The following ASRGL1 variants were observed in gnomAD, a reference collection of about 807,000 sequenced individuals.
The protein encoded by ASRGL1 is isoaspartyl peptidase/L-asparaginase.
Under a neutral mutation model 22.4 loss-of-function variants are expected in ASRGL1, and 16 were observed. That is an observed-to-expected ratio of 0.71 (90% CI 0.48 to 1.08). ASRGL1 has a LOEUF of 1.08. Among genes scored for constraint, ASRGL1 ranks in the 50% least tolerant of loss-of-function variants. The pLI is 0.00. For missense variants in ASRGL1, 412 were observed against 410.1 expected (o/e 1.00, Z -0.04); for synonymous variants, 165 against 159.3 (o/e 1.04, Z -0.27).
intron 4 of ASRGL1, among the ~76,000 whole-genome samples, chr11:62,363,406 T>G (rs1392341536): frequency 1.3e-5 from 2 of 152,152 alleles, no homozygotes; most frequent in Non-Finnish European, 1.5e-5. Flanking sequence ...CTATAGAAAC[T>G]ATTTTTCAGT....
intron 4 of ASRGL1, chr11:62,371,284 AG>A: frequency 1.4e-6 from 2 of 1,380,972 alleles, no homozygotes; most frequent in Non-Finnish European, 9.5e-7. Flanking sequence ...TGGCAGCAGC[AG>A]CAGCGGCGAC....
At chr11:62,350,496 G>A (rs774007977) in intron 2 of ASRGL1, among the ~76,000 whole-genome samples, 10 of 152,066 alleles carry the variant, frequency 6.6e-5, no homozygotes, top group Non-Finnish European at 1.5e-4. Flanking sequence ...CATATAGTTT[G>A]GTCAAATTTT....
rs1457195570 is a variant in ASRGL1, at chr11:62,392,296, A to C, written c.*12A>C. On this transcript the variant is annotated 3_prime_UTR_variant, in exon 7 of 7. Transcript: ENST00000415229. Reference sequence around the variant, plus strand: ...CCGACCTTCCCTAAGCCGCTGGAAGATTGTATTCCAGATGCTAGCTTAGAG... The same window carrying C: ...CCGACCTTCCCTAAGCCGCTGGAAGCTTGTATTCCAGATGCTAGCTTAGAG... 1 of 1,612,578 alleles carries C rather than the reference A, an allele frequency of 6.2e-7. No individual in the cohort carries two copies. The highest frequency in any genetic ancestry group is 8.5e-7 in the Non-Finnish European group (1 of 1,179,670).
At chr11:62,361,904 T>C (rs1323253102) in intron 4 of ASRGL1, among the ~76,000 whole-genome samples, 2 of 152,210 alleles carry the variant, frequency 1.3e-5, no homozygotes, top group African/African-American at 4.8e-5. Flanking sequence ...CCATGTTTCA[T>C]TGGCTTTATA....
At chr11:62,397,828 C>G (rs1278350764), downstream of ASRGL1, among the ~76,000 whole-genome samples, 1 of 152,166 alleles carries the variant, frequency 6.6e-6, no homozygotes, top group Non-Finnish European at 1.5e-5. Context: ...TAACACTCTC[C>G]ACCATTGCTT....
intron 4 of ASRGL1, chr11:62,371,550 C>T (rs1011752324): frequency 5.7e-6 from 4 of 704,390 alleles, no homozygotes; most frequent in African/African-American, 3.5e-5. Flanking sequence ...ATCTCAAGTA[C>T]CCAGGGACAC....
intron 4 of ASRGL1, among the ~76,000 whole-genome samples, chr11:62,357,623 G>C (rs530227630): frequency 6.3e-4 from 96 of 151,850 alleles, no homozygotes; most frequent in African/African-American, 2.3e-3. Flanking sequence ...GATTCTTCTT[G>C]ATCAGTTTAT....
intron 2 of ASRGL1, among the ~76,000 whole-genome samples, chr11:62,355,130 C>T (rs1946250241): frequency 6.6e-6 from 1 of 152,008 alleles, no homozygotes. Flanking sequence ...GTTGGCCAAG[C>T]TGGTCTCAAA....
At chr11:62,372,961 G>T in intron 4 of ASRGL1, 1 of 1,482,286 alleles carries the variant, frequency 6.7e-7, no homozygotes, top group Non-Finnish European at 9.4e-7. Context: ...AGCACCATCA[G>T]CTGGGGCCCA....
At chr11:62,386,396 A>G (rs1365755456) in intron 4 of ASRGL1, among the ~76,000 whole-genome samples, 4 of 151,792 alleles carry the variant, frequency 2.6e-5, no homozygotes, top group East Asian at 1.9e-4. Flanking sequence ...GTATTATTTT[A>G]TTATTGTTAA....
At chr11:62,362,584 AATATATAATATATATTATATAAAAT>A in intron 4 of ASRGL1, among the ~76,000 whole-genome samples, 1 of 26,576 alleles carries the variant, frequency 3.8e-5, no homozygotes, top group East Asian at 1.2e-3. Context: ...TATTATATAA[AATATATAATATATATTATATAAAAT>A]ATATATTATA....
chr11:62,389,394 A>T, intron 5 of ASRGL1, 143 bp downstream of exon 5: 2 of 848,674 alleles, frequency 2.4e-6, no homozygotes, highest in Non-Finnish European at 3.9e-6. Context: ...GGGAGTGACA[A>T]TGGGGTTGGA....
intron 4 of ASRGL1, among the ~76,000 whole-genome samples, chr11:62,369,214 C>A (rs893234155): frequency 6.6e-6 from 1 of 152,168 alleles, no homozygotes; most frequent in African/African-American, 2.4e-5. Flanking sequence ...TGACTTTTAA[C>A]AAGCATACTG....
In ASRGL1 at chr11:62,362,568, AAT is replaced by A. The variant is rs1224394281; in HGVS notation, c.491+5431_491+5432del. 4.3e-4 allele frequency among the ~76,000 whole-genome samples: 17 copies of A among 39,870 alleles called. 2 individuals carry two copies. The highest frequency in any genetic ancestry group is 1.4e-3 in the African/African-American group (16 of 11,274). The allele number at this position is 39,870 out of a possible 152,430, so 26.2% of individuals were successfully genotyped here. ...AATATATAACATATATTATTTATAT[AAT>A]ATATATTATATAAAATATATAATAT... On this transcript the variant is annotated intron_variant, in intron 4 of 6. Transcript: ENST00000415229.
At chr11:62,371,330 G>A (rs1361587605) in intron 4 of ASRGL1, 10 of 1,255,404 alleles carry the variant, frequency 8.0e-6, no homozygotes, top group Non-Finnish European at 1.1e-5. Flanking sequence ...GCCCCCGGCA[G>A]GGGCAAGCGC....
chr11:62,354,455 A>G (rs1946232355), intron 2 of ASRGL1, among the ~76,000 whole-genome samples: 1 of 152,226 alleles, frequency 6.6e-6, no homozygotes, highest in South Asian at 2.1e-4. Context: ...TAAGAAATTA[A>G]TAACAATAAC....
At chr11:62,372,794 C>T (rs745957932) in intron 4 of ASRGL1, 17 of 1,582,576 alleles carry the variant, frequency 1.1e-5, no homozygotes, top group Admixed American at 6.7e-5. Flanking sequence ...ACACCTGCTC[C>T]TTTGCCGTCA....
intron 4 of ASRGL1, among the ~76,000 whole-genome samples, chr11:62,360,177 G>T (rs1301863823): frequency 6.6e-5 from 10 of 151,490 alleles, no homozygotes; most frequent in African/African-American, 2.4e-4. Context: ...ACAGGTGTGC[G>T]CCACCACGCC....
Position 62,338,166 on chromosome 11 carries a change from AG to A in ASRGL1, c.190+1del, listed in dbSNP as rs1447593167. 1 of 1,559,784 alleles carries A rather than the reference AG, an allele frequency of 6.4e-7. No homozygotes were observed. Among genetic ancestry groups the A allele is most frequent in the Non-Finnish European group, 8.7e-7 (1 of 1,155,394 alleles). ...TGGAAGACGATCCCGAGTTCAACGC[AG>A]GTAAATGTGCCTTTCAGCTAGTAAA... ...ALEDDPEFNA[G>X]CGSVLNTNGE... On this transcript the variant is annotated frameshift_variant and splice_region_variant, in exon 2 of 7. Coordinates refer to ENST00000415229, the MANE Select transcript of ASRGL1 (RefSeq NM_001083926.2). LOFTEE classifies it high-confidence loss of function.
Sources: gnomAD v4.1 joint callset for allele counts (sites outside exome capture counted in the v4.1 genomes callset) on GRCh38, gnomAD v4.1.1 for gene constraint, MANE v1.5 for transcripts, NCBI Gene and HGNC (gene_info 2026-07-23, HGNC 2026-07-21) for gene names.